SIN3B: variants seen among roughly 807,000 people sequenced by gnomAD.
SIN3B encodes the protein SIN3 transcription regulator family member B, also known as paired amphipathic helix protein Sin3b.
In SIN3B, 19 loss-of-function variants were observed where a neutral mutation model predicts 120.2. The observed-to-expected ratio is 0.16, with a 90% CI of 0.11 to 0.23. SIN3B has a LOEUF of 0.23. Ranked by LOEUF, SIN3B falls within the 10% of genes least tolerant of loss-of-function variation. The pLI, the probability that SIN3B is intolerant of heterozygous loss-of-function variation, is 1.00. For missense variants in SIN3B, 1,073 were observed against 1,573.0 expected (o/e 0.68, Z 5.38); for synonymous variants, 654 against 653.2 (o/e 1.00, Z -0.02).
At chr19:16,877,491 T>C in intron 16 of SIN3B, 54 bp from the exon 17 acceptor site, 2 of 1,315,450 alleles carry the variant, frequency 1.5e-6, no homozygotes, top group Non-Finnish European at 2.1e-6. Context: ...AGAGTAAGAG[T>C]GGCCATAGCC....
intron 5 of SIN3B, among the ~76,000 whole-genome samples, chr19:16,848,349 A>T (rs1210650603): frequency 6.7e-6 from 1 of 149,430 alleles, no homozygotes; most frequent in Non-Finnish European, 1.5e-5. Flanking sequence ...CAGTGACCGC[A>T]CCATTTTACA....
At chr19:16,832,285 C>G (rs1267727674) in intron 3 of SIN3B, among the ~76,000 whole-genome samples, 3 of 150,986 alleles carry the variant, frequency 2.0e-5, no homozygotes, top group African/African-American at 7.3e-5. Context: ...GCAACCTCCG[C>G]CTCCCAGGTT....
intron 8 of SIN3B, among the ~76,000 whole-genome samples, chr19:16,859,351 T>C (rs1170713980): frequency 6.6e-6 from 1 of 152,134 alleles, no homozygotes; most frequent in African/African-American, 2.4e-5. Context: ...TCAGCATTTC[T>C]TGGAAGTGTT....
At chr19:16,874,454 T>C in intron 14 of SIN3B, among the ~76,000 whole-genome samples, 1 of 151,908 alleles carries the variant, frequency 6.6e-6, no homozygotes, top group East Asian at 1.9e-4. Flanking sequence ...TTTGGTCTGG[T>C]CTGGTTTTGG....
chr19:16,863,332 A>AACC, intron 9 of SIN3B: 1 of 377,010 alleles, frequency 2.7e-6, no homozygotes, highest in Non-Finnish European at 4.7e-6. Context: ...GCAGTGTAAC[A>AACC]ATGATCTACA....
At chr19:16,872,098 C>T (rs140232003) in intron 14 of SIN3B, among the ~76,000 whole-genome samples, 199 of 152,182 alleles carry the variant, frequency 1.3e-3, no homozygotes, top group African/African-American at 4.5e-3. Flanking sequence ...GGTGTGGTTC[C>T]AGGACATGGG....
At chr19:16,841,696 G>A in intron 3 of SIN3B, 72 bp from the exon 4 acceptor site, 1 of 1,398,170 alleles carries the variant, frequency 7.2e-7, no homozygotes. Context: ...TGCAGACAGT[G>A]GCTGGGCCTG....
rs1424591317 is a variant in SIN3B, at chr19:16,876,122, G to A, written c.2660G>A (p.Arg887Gln). ...GAGCTCTACCTGAACGAGAAGAAGC[G>A]GGGTGCCGCTGGTGGGAACCTGTCC... Reference protein sequence around the residue: ...VVELYLNEKKRGAAGGNLSSR... With the variant: ...VVELYLNEKKQGAAGGNLSSR... Residue 887 changes from arginine to glutamine, a missense_variant, in exon 15 of 19, where the codon CGG (arginine) becomes CAG (glutamine). Arg to Gln is a conservative substitution (Grantham distance 43). Coordinates refer to ENST00000248054, the MANE Select transcript of SIN3B (RefSeq NM_001297595.2). The surrounding 1 kb of genome is among the most constrained non-coding windows in gnomAD (Gnocchi z 7.1). 33 of 1,605,764 alleles carry A rather than the reference G, an allele frequency of 2.1e-5. No individual in the cohort carries two copies. Among genetic ancestry groups the A allele is most frequent in the South Asian group, 3.4e-5 (3 of 89,516 alleles).
At chr19:16,835,588 C>T (rs1971338307) in intron 3 of SIN3B, among the ~76,000 whole-genome samples, 1 of 150,032 alleles carries the variant, frequency 6.7e-6, no homozygotes, top group East Asian at 2.0e-4. Context: ...GGCGTGATCT[C>T]AGCTCACTGC....
intron 13 of SIN3B, among the ~76,000 whole-genome samples, chr19:16,870,308 C>T (rs1599612347): frequency 6.6e-6 from 1 of 152,208 alleles, no homozygotes; most frequent in Non-Finnish European, 1.5e-5. Flanking sequence ...AGCACCCTCT[C>T]CTGACTGGGG....
At chr19:16,867,391 G>A (rs1019368532) in intron 12 of SIN3B, among the ~76,000 whole-genome samples, 1 of 152,248 alleles carries the variant, frequency 6.6e-6, no homozygotes, top group Non-Finnish European at 1.5e-5. Flanking sequence ...ATAGAACCAA[G>A]GCCAGCGGGG....
intron 3 of SIN3B, among the ~76,000 whole-genome samples, chr19:16,837,769 G>A (rs138168080): frequency 6.6e-6 from 1 of 152,150 alleles, no homozygotes; most frequent in South Asian, 2.1e-4. Context: ...TGTAGATCAG[G>A]AGCGGGGGTG....
intron 10 of SIN3B, chr19:16,865,186 T>TG: frequency 1.9e-6 from 1 of 535,042 alleles, no homozygotes; most frequent in South Asian, 2.5e-5. Flanking sequence ...CCTAGCTACG[T>TG]GGGAGGCTAA....
In SIN3B at chr19:16,876,102, C is replaced by G; in HGVS notation, c.2640C>G (p.Leu880=). The change falls in exon 15 of 19, where the codon CTC becomes CTG. Residue 880 remains leucine (L), a synonymous_variant. Coordinates refer to ENST00000248054, the MANE Select transcript of SIN3B (RefSeq NM_001297595.2). The surrounding 1 kb of genome is among the most constrained non-coding windows in gnomAD (Gnocchi z 7.1). ...SDDVCLKVVE[L]YLNEKKRGAA... ...ACGTCTGCCTGAAGGTGGTGGAGCT[C>G]TACCTGAACGAGAAGAAGCGGGGTG... 6.3e-7 allele frequency: 1 copy of G among 1,593,904 alleles called. No homozygotes were observed. The highest frequency in any genetic ancestry group is 8.5e-7 in the Non-Finnish European group (1 of 1,171,522).
intron 5 of SIN3B, among the ~76,000 whole-genome samples, chr19:16,849,698 A>G (rs1213861335): frequency 1.3e-5 from 2 of 152,348 alleles, no homozygotes; most frequent in African/African-American, 4.8e-5. Context: ...GGCTGGACGC[A>G]TGGCGGGTTT....
chr19:16,871,838 T>C (rs536618325), intron 14 of SIN3B, among the ~76,000 whole-genome samples: 1 of 152,340 alleles, frequency 6.6e-6, no homozygotes. Context: ...GGCTGCCTTA[T>C]AGAGATTGTG....
At chr19:16,871,122 G>T in intron 13 of SIN3B, 107 bp from the exon 14 acceptor site, 5 of 1,410,782 alleles carry the variant, frequency 3.5e-6, no homozygotes, top group Non-Finnish European at 4.0e-6. Flanking sequence ...GGTGAGGGCT[G>T]TTGGGCCCCA....
At chr19:16,866,672 A>G (rs1971778801) in intron 12 of SIN3B, 116 bp downstream of exon 12, 1 of 1,037,374 alleles carries the variant, frequency 9.6e-7, no homozygotes, top group East Asian at 2.6e-5. Context: ...TTGCCCTTTC[A>G]GGGCTGTGTT....
At position 16,877,447 on chromosome 19, in the gene SIN3B, A is replaced by G. The variant is rs1201237648; in HGVS notation, c.2860-98A>G. On this transcript the variant is annotated intron_variant, in intron 16 of 18. Coordinates refer to ENST00000248054, the MANE Select transcript of SIN3B (RefSeq NM_001297595.2). The stretch of plus-strand genomic sequence containing the variant: ...TCCTCATGCTCTGGCAGTGGGGGGC[A>G]CAGAACCCCTGTGAGCTCCTGAACT... 8.1e-6 allele frequency: 7 copies of G among 860,036 alleles called. No individual in the cohort carries two copies. In the African/African-American group the frequency reaches 8.3e-5, roughly 10 times the overall value. 53.3% of individuals were successfully genotyped at this position (860,036 alleles called of 1,614,324 possible).
Sources: gnomAD v4.1 joint callset for allele counts (sites outside exome capture counted in the v4.1 genomes callset) on GRCh38, gnomAD v4.1.1 for gene constraint, Gnocchi (gnomAD v3.1) non-coding constraint, MANE v1.5 for transcripts, NCBI Gene and HGNC (gene_info 2026-07-23, HGNC 2026-07-21) for gene names.